DIAPH2: variants seen among roughly 807,000 people sequenced by gnomAD.
DIAPH2 encodes the protein diaphanous related formin 2.
A neutral mutation model predicts 92.7 loss-of-function variants in DIAPH2; 35 were observed. The ratio of observed to expected loss-of-function variants is 0.38; its 90% CI spans 0.29 to 0.50. The LOEUF is 0.50. DIAPH2 is among the 20% of genes least tolerant of loss of function. The probability of loss-of-function intolerance (pLI) is 0.94; values close to 1 mark genes in which losing one functional copy is unlikely to be tolerated. For missense variants in DIAPH2, 701 were observed against 819.5 expected (o/e 0.86, Z 1.77); for synonymous variants, 301 against 280.4 (o/e 1.07, Z -0.73).
At chrX:97,459,635 T>C (rs932082167) in intron 26 of DIAPH2, among the ~76,000 whole-genome samples, 15 of 112,326 alleles carry the variant, frequency 1.3e-4, no homozygotes, top group African/African-American at 4.2e-4. Flanking sequence ...ATGGGTTATG[T>C]ATATTCTGCA....
intron 26 of DIAPH2, among the ~76,000 whole-genome samples, chrX:97,539,420 G>A (rs990927908): frequency 9.0e-6 from 1 of 111,675 alleles, no homozygotes; most frequent in African/African-American, 3.3e-5. Flanking sequence ...AAATATTTTG[G>A]GGTTTTTAAA....
At position 97,601,836 on chromosome X, in the gene DIAPH2, G is replaced by A. The variant is rs1009474047; in HGVS notation, c.*2519G>A. On this transcript the variant is annotated 3_prime_UTR_variant, in exon 27 of 27. Transcript: ENST00000324765. ...TATTTGCTTACATTTTTGAAGGGCA[G>A]CAAAGCCATGCTCCCTCCAGAGGCT... is the stretch of plus-strand genomic sequence containing the variant. The A allele has an allele frequency of 1.8e-5, 2 of 112,266 alleles. No homozygotes were observed. Among genetic ancestry groups the A allele is most frequent in the African/African-American group, 6.5e-5 (2 of 30,901 alleles). The allele number at this position is 112,266 out of a possible 1,213,427, so 9.3% of individuals were successfully genotyped here. A position where few individuals can be genotyped will look rare whatever the true frequency, so the allele number is the denominator to read the frequency against.
intron 22 of DIAPH2, among the ~76,000 whole-genome samples, chrX:97,236,824 G>A (rs1037654472): frequency 8.1e-5 from 9 of 111,431 alleles, no homozygotes; most frequent in Admixed American, 9.5e-5. Flanking sequence ...GATTACAGGC[G>A]TGAACCACCG....
intron 26 of DIAPH2, among the ~76,000 whole-genome samples, chrX:97,471,087 C>T (rs897827643): frequency 1.8e-5 from 2 of 111,531 alleles, no homozygotes; most frequent in South Asian, 3.8e-4. Context: ...TTATTTATTC[C>T]GCTCACCAAG....
chrX:97,094,873 A>G (rs1252342356), intron 19 of DIAPH2, among the ~76,000 whole-genome samples: 5 of 111,117 alleles, frequency 4.5e-5, no homozygotes, highest in African/African-American at 6.5e-5. Context: ...AAATAAGTAT[A>G]GAACCAAGTA....
intron 1 of DIAPH2, among the ~76,000 whole-genome samples, chrX:96,710,121 T>G (rs1602443701): frequency 2.7e-5 from 3 of 111,567 alleles, no homozygotes; most frequent in East Asian, 2.8e-4. Flanking sequence ...TACCTTGACA[T>G]TATCTTAGTA....
At chrX:97,579,697 C>G (rs2071424878) in intron 26 of DIAPH2, among the ~76,000 whole-genome samples, 1 of 110,115 alleles carries the variant, frequency 9.1e-6, no homozygotes, top group Non-Finnish European at 1.9e-5. Flanking sequence ...TTTTCCAATT[C>G]TGTGAAGAAA....
chrX:97,470,302 A>C (rs1164794352), intron 26 of DIAPH2, among the ~76,000 whole-genome samples: 1 of 111,556 alleles, frequency 9.0e-6, no homozygotes, highest in Admixed American at 9.6e-5. Context: ...TAACTTGAAC[A>C]CTCAGAAATA....
intron 23 of DIAPH2, among the ~76,000 whole-genome samples, chrX:97,259,851 A>T (rs187920246): frequency 8.9e-6 from 1 of 112,283 alleles, no homozygotes; most frequent in East Asian, 2.8e-4. Context: ...TTTGTTTGAG[A>T]CGGAGTCTCA....
rs145990067 is a variant in DIAPH2 at position 97,544,816 on chromosome X, G to A, written c.3242-54437G>A. ...TTTCATCTTAGAAAGGCAAGTTAACGTATTTTTAAAGAGGTTTAAGAAGGC... is the reference window on the plus strand; with the variant it reads ...TTTCATCTTAGAAAGGCAAGTTAACATATTTTTAAAGAGGTTTAAGAAGGC... On this transcript the variant is annotated intron_variant, in intron 26 of 26. Transcript: ENST00000324765. 4.9e-3 allele frequency among the ~76,000 whole-genome samples: 548 copies of A among 111,845 alleles called. 4 individuals carry two copies. The highest frequency in any genetic ancestry group is 0.017 in the African/African-American group (526 of 30,761).
At chrX:97,495,059 G>A (rs2070749507) in intron 26 of DIAPH2, among the ~76,000 whole-genome samples, 1 of 112,536 alleles carries the variant, frequency 8.9e-6, no homozygotes, top group South Asian at 3.7e-4. Flanking sequence ...TGGTACATTG[G>A]AAGCATTCTC....
intron 23 of DIAPH2, among the ~76,000 whole-genome samples, chrX:97,295,120 A>AATCT (rs2147618781): frequency 9.0e-6 from 1 of 111,524 alleles, no homozygotes; most frequent in East Asian, 2.8e-4. Flanking sequence ...CTTCCTCTGG[A>AATCT]ATCTATTTCT....
chrX:96,826,124 A>G (rs1253976027), intron 4 of DIAPH2, among the ~76,000 whole-genome samples: 2 of 111,455 alleles, frequency 1.8e-5, no homozygotes, highest in African/African-American at 6.5e-5. Context: ...AGCTTAAAAT[A>G]TGGTTATTTT....
At chrX:96,934,079 C>G (rs1335181424) in intron 10 of DIAPH2, among the ~76,000 whole-genome samples, 1 of 111,014 alleles carries the variant, frequency 9.0e-6, no homozygotes, top group Non-Finnish European at 1.9e-5. Context: ...GATTAGCGAT[C>G]ATATATTTAG....
chrX:97,562,374 C>T (rs900024127), intron 26 of DIAPH2, among the ~76,000 whole-genome samples: 1 of 109,413 alleles, frequency 9.1e-6, no homozygotes, highest in East Asian at 2.9e-4. Flanking sequence ...GGCATGGTGG[C>T]GTGCGCCTGT....
At chrX:97,373,653 G>A (rs1355069802) in intron 24 of DIAPH2, among the ~76,000 whole-genome samples, 1 of 97,752 alleles carries the variant, frequency 1.0e-5, no homozygotes, top group East Asian at 3.2e-4. Context: ...TGTTGCCCAG[G>A]CTGGAGTGCA....
At chrX:96,761,480 T>G (rs2064268444) in intron 4 of DIAPH2, among the ~76,000 whole-genome samples, 1 of 110,523 alleles carries the variant, frequency 9.0e-6, no homozygotes, top group African/African-American at 3.3e-5. Flanking sequence ...TATACATGTA[T>G]TATGGTTTTG....
At chrX:97,404,144 C>G (rs924139922) in intron 25 of DIAPH2, among the ~76,000 whole-genome samples, 4 of 111,764 alleles carry the variant, frequency 3.6e-5, no homozygotes, top group Non-Finnish European at 7.5e-5. Context: ...TGAGCCACCA[C>G]GCCTGGCCTC....
intron 23 of DIAPH2, among the ~76,000 whole-genome samples, chrX:97,267,966 C>T (rs2068351691): frequency 8.9e-6 from 1 of 111,890 alleles, no homozygotes; most frequent in East Asian, 2.8e-4. Context: ...TCTTTGCTCC[C>T]TGTTGGCTCA....
Sources: gnomAD v4.1 joint callset for allele counts (sites outside exome capture counted in the v4.1 genomes callset) on GRCh38, gnomAD v4.1.1 for gene constraint, MANE v1.5 for transcripts, NCBI Gene and HGNC (gene_info 2026-07-23, HGNC 2026-07-21) for gene names.